MARCHF5: variants seen among roughly 807,000 people sequenced by gnomAD.
The protein encoded by MARCHF5 is membrane associated ring-CH-type finger 5, also known as E3 ubiquitin-protein ligase MARCHF5.
A neutral mutation model predicts 36.5 loss-of-function variants in MARCHF5; 5 were observed. That is an observed-to-expected ratio of 0.14 (90% CI 0.07 to 0.29). The LOEUF is 0.29. MARCHF5 is among the 10% of genes least tolerant of loss of function. The pLI is 1.00. For missense variants in MARCHF5, 179 were observed against 336.3 expected (o/e 0.53, Z 3.66); for synonymous variants, 103 against 109.9 (o/e 0.94, Z 0.39).
chr10:92,342,449 G>A (rs1382614995), intron 3 of MARCHF5, among the ~76,000 whole-genome samples: 3 of 152,092 alleles, frequency 2.0e-5, no homozygotes. Context: ...ATCTGGCCTA[G>A]TCTTTCTATT....
intron 2 of MARCHF5, among the ~76,000 whole-genome samples, chr10:92,327,054 T>A (rs1186442676): frequency 6.6e-6 from 1 of 152,064 alleles, no homozygotes; most frequent in African/African-American, 2.4e-5. Flanking sequence ...TCCCTACACT[T>A]ACACAGAATC....
intron 3 of MARCHF5, among the ~76,000 whole-genome samples, chr10:92,347,326 A>T (rs1466182435): frequency 6.6e-6 from 1 of 152,164 alleles, no homozygotes; most frequent in Admixed American, 6.5e-5. Flanking sequence ...TCTACTAAAA[A>T]TACAAAAAAG....
At chr10:92,324,191 A>G (rs1476182998) in intron 2 of MARCHF5, among the ~76,000 whole-genome samples, 1 of 152,204 alleles carries the variant, frequency 6.6e-6, no homozygotes, top group Non-Finnish European at 1.5e-5. Context: ...ATCTTCTTTG[A>G]TGAGGTGTAC....
intron 1 of MARCHF5, among the ~76,000 whole-genome samples, chr10:92,293,045 AT>A (rs928828420): frequency 6.6e-6 from 1 of 151,822 alleles, no homozygotes; most frequent in African/African-American, 2.4e-5. Flanking sequence ...TTTGTAGTTA[AT>A]TTTTTTCCTT....
In MARCHF5 at chr10:92,291,169, C is replaced by T; in HGVS notation, c.-326C>T. On this transcript the variant is annotated 5_prime_UTR_variant, in exon 1 of 6. Coordinates refer to ENST00000358935, the MANE Select transcript of MARCHF5 (RefSeq NM_017824.5). ...CGCGCACGGAGGCGGCGACTCTTAC[C>T]TCACAAAGGTAGCTCCTCCGCCGGC... 2.2e-6 allele frequency: 1 copy of T among 461,438 alleles called. No homozygotes were observed. Among genetic ancestry groups the T allele is most frequent in the South Asian group, 2.5e-5 (1 of 39,498 alleles). 28.6% of individuals were successfully genotyped at this position (461,438 alleles called of 1,614,324 possible).
chr10:92,307,938 TC>T (rs1161700633), intron 1 of MARCHF5, among the ~76,000 whole-genome samples: 2 of 148,570 alleles, frequency 1.3e-5, no homozygotes, highest in African/African-American at 5.0e-5. Context: ...TATTTATGCT[TC>T]CCCCCTTTTT....
intron 3 of MARCHF5, among the ~76,000 whole-genome samples, chr10:92,347,526 TAG>T (rs1843663060): frequency 6.6e-5 from 7 of 105,272 alleles, no homozygotes; most frequent in African/African-American, 2.5e-4. Flanking sequence ...AGATAGATGA[TAG>T]ATATATAGAT....
chr10:92,318,428 A>G (rs1843241442), intron 2 of MARCHF5, among the ~76,000 whole-genome samples: 1 of 19,058 alleles, frequency 5.2e-5, no homozygotes, highest in Non-Finnish European at 9.3e-5. Context: ...CCCTGTCTCA[A>G]AAAAAAAAAA....
chr10:92,347,782 G>A (rs1298121883), intron 3 of MARCHF5, among the ~76,000 whole-genome samples: 1 of 152,148 alleles, frequency 6.6e-6, no homozygotes, highest in Non-Finnish European at 1.5e-5. Context: ...TTAGGAAGAG[G>A]CTAGCCTCCT....
At chr10:92,348,833 A>G (rs990299502) in intron 3 of MARCHF5, among the ~76,000 whole-genome samples, 3 of 152,186 alleles carry the variant, frequency 2.0e-5, no homozygotes, top group Non-Finnish European at 4.4e-5. Flanking sequence ...TTAGCCAGCC[A>G]GAGACATCAC....
At chr10:92,295,809 G>A (rs1842943610) in intron 1 of MARCHF5, among the ~76,000 whole-genome samples, 1 of 151,374 alleles carries the variant, frequency 6.6e-6, no homozygotes, top group Non-Finnish European at 1.5e-5. Context: ...TTTGATTACT[G>A]TAATATTTGT....
intron 1 of MARCHF5, among the ~76,000 whole-genome samples, chr10:92,309,809 C>T (rs1843123286): frequency 6.6e-6 from 1 of 151,908 alleles, no homozygotes; most frequent in Non-Finnish European, 1.5e-5. Context: ...AGATTTTATG[C>T]TATGTCTATT....
At chr10:92,320,138 T>G (rs2135194854) in intron 2 of MARCHF5, among the ~76,000 whole-genome samples, 1 of 151,840 alleles carries the variant, frequency 6.6e-6, no homozygotes, top group African/African-American at 2.4e-5. Flanking sequence ...ATTGTAATCT[T>G]GAACTCCTGG....
At chr10:92,315,991 A>G (rs766815497) in intron 2 of MARCHF5, among the ~76,000 whole-genome samples, 81 of 152,314 alleles carry the variant, frequency 5.3e-4, no homozygotes, top group African/African-American at 1.9e-3. Flanking sequence ...AACTTTTATC[A>G]CTTTTTTCTC....
intron 1 of MARCHF5, among the ~76,000 whole-genome samples, chr10:92,296,584 A>G (rs1159683786): frequency 6.6e-6 from 1 of 152,174 alleles, no homozygotes; most frequent in Non-Finnish European, 1.5e-5. Context: ...TGAAGCCTGG[A>G]CCTACTGAGA....
rs376269764 is a variant in MARCHF5, at chr10:92,300,653, T to C, written c.35+9124T>C. On this transcript the variant is annotated intron_variant, in intron 1 of 5. Transcript: ENST00000358935. ...AGCCTTTCTTCTCTTTATGAATAAGTGTATAAGTACCCAAGTCTTTTGCCC... is the reference window on the plus strand; with the variant it reads ...AGCCTTTCTTCTCTTTATGAATAAGCGTATAAGTACCCAAGTCTTTTGCCC... Among the ~76,000 whole-genome samples, 50 of 152,180 alleles carry C rather than the reference T, an allele frequency of 3.3e-4. 1 individual carries two copies. The highest frequency in any genetic ancestry group is 1.2e-3 in the African/African-American group (49 of 41,452).
At chr10:92,301,274 C>A (rs1211903385) in intron 1 of MARCHF5, among the ~76,000 whole-genome samples, 1 of 152,208 alleles carries the variant, frequency 6.6e-6, no homozygotes, top group Non-Finnish European at 1.5e-5. Flanking sequence ...ATTTGCCTCT[C>A]TGGAGGAAGC....
chr10:92,343,713 G>A (rs1168299277), intron 3 of MARCHF5, among the ~76,000 whole-genome samples: 1 of 152,198 alleles, frequency 6.6e-6, no homozygotes, highest in African/African-American at 2.4e-5. Flanking sequence ...GGGATTACAG[G>A]CATGTGCCAC....
At chr10:92,323,881 G>A (rs1478472079) in intron 2 of MARCHF5, among the ~76,000 whole-genome samples, 3 of 152,202 alleles carry the variant, frequency 2.0e-5, no homozygotes, top group Non-Finnish European at 4.4e-5. Flanking sequence ...AGAATTTTGT[G>A]TGGACATAAA....
Sources: gnomAD v4.1 joint callset for allele counts (sites outside exome capture counted in the v4.1 genomes callset) on GRCh38, gnomAD v4.1.1 for gene constraint, MANE v1.5 for transcripts, NCBI Gene and HGNC (gene_info 2026-07-23, HGNC 2026-07-21) for gene names.